Variants in ZC3H12B observed in about 807,000 individuals in gnomAD.
ZC3H12B encodes the protein zinc finger CCCH-type containing 12B.
ZC3H12B carries 7 observed loss-of-function variants against 43.9 expected under a neutral mutation model. The observed-to-expected ratio is 0.16, with a 90% CI of 0.09 to 0.30. ZC3H12B has a LOEUF of 0.30. Among genes scored for constraint, ZC3H12B ranks in the 10% least tolerant of loss-of-function variants. ZC3H12B has a pLI of 1.00. For missense variants in ZC3H12B, 475 were observed against 670.2 expected (o/e 0.71, Z 3.22); for synonymous variants, 222 against 241.7 (o/e 0.92, Z 0.76).
intron 3 of ZC3H12B, chrX:65,470,517 A>T (rs1339853009): frequency 9.1e-6 from 1 of 110,149 alleles, no homozygotes; most frequent in Non-Finnish European, 1.9e-5. Context: ...TGTTCCCAGC[A>T]CCCGCCCCCT....
At chrX:65,326,115 C>A in the ZC3H12B span, among the ~76,000 whole-genome samples, 10 of 111,181 alleles carry the variant, frequency 9.0e-5, no homozygotes, top group African/African-American at 2.9e-4. Flanking sequence ...AGCATAGGGG[C>A]CTGAGCAATG....
chrX:65,402,016 A>C, intron 3 of ZC3H12B, among the ~76,000 whole-genome samples: 1 of 111,933 alleles, frequency 8.9e-6, no homozygotes, highest in East Asian at 2.8e-4. Context: ...CACTCTTGGA[A>C]TCCTCAGTTT....
chrX:65,097,850 C>T, the ZC3H12B span, among the ~76,000 whole-genome samples: 1 of 111,563 alleles, frequency 9.0e-6, no homozygotes, highest in Non-Finnish European at 1.9e-5. Flanking sequence ...ATCTTTGTAA[C>T]CCTTATGTCA....
the ZC3H12B span, among the ~76,000 whole-genome samples, chrX:65,315,624 C>T: frequency 3.6e-5 from 4 of 110,951 alleles, no homozygotes; most frequent in Non-Finnish European, 7.6e-5. Flanking sequence ...CAATCAAACC[C>T]CAAAGACATC....
the ZC3H12B span, among the ~76,000 whole-genome samples, chrX:65,173,974 G>C: frequency 5.4e-5 from 6 of 111,639 alleles, no homozygotes; most frequent in Non-Finnish European, 1.1e-4. Context: ...CTGTTTGTTA[G>C]TTTTTCTTCT....
At chrX:65,415,852 G>A (rs2066954293) in intron 3 of ZC3H12B, among the ~76,000 whole-genome samples, 1 of 111,905 alleles carries the variant, frequency 8.9e-6, no homozygotes, top group Admixed American at 9.5e-5. Flanking sequence ...ACTTGCTTTT[G>A]AATTTTCAGT....
At chrX:65,457,012 G>A (rs757758739) in intron 3 of ZC3H12B, among the ~76,000 whole-genome samples, 73 of 100,850 alleles carry the variant, frequency 7.2e-4, no homozygotes, top group African/African-American at 1.8e-3. Flanking sequence ...CCTCTTCCCC[G>A]CTGCCATCCC....
At chrX:65,155,396 G>A in the ZC3H12B span, among the ~76,000 whole-genome samples, 4 of 111,525 alleles carry the variant, frequency 3.6e-5, no homozygotes, top group African/African-American at 1.3e-4. Context: ...ATTTTTCAAA[G>A]TAACACTATT....
At chrX:65,372,672 T>A (rs1259165556) in intron 2 of ZC3H12B, among the ~76,000 whole-genome samples, 1 of 111,416 alleles carries the variant, frequency 9.0e-6, no homozygotes, top group Non-Finnish European at 1.9e-5. Context: ...GAAGGAAAAC[T>A]TTCAATTTTC....
the ZC3H12B span, among the ~76,000 whole-genome samples, chrX:65,116,561 A>T: frequency 9.2e-6 from 1 of 108,383 alleles, no homozygotes; most frequent in African/African-American, 3.4e-5. Context: ...CAATTTTAGG[A>T]TTTTTTTTCT....
intron 3 of ZC3H12B, among the ~76,000 whole-genome samples, chrX:65,407,130 C>A (rs1426837153): frequency 8.9e-6 from 1 of 112,372 alleles, no homozygotes; most frequent in African/African-American, 3.2e-5. Context: ...GAAAGAAGAC[C>A]GAGGAAGAAA....
intron 2 of ZC3H12B, among the ~76,000 whole-genome samples, chrX:65,387,519 T>G (rs2066545242): frequency 8.9e-6 from 1 of 112,143 alleles, no homozygotes; most frequent in African/African-American, 3.2e-5. Context: ...CCCTTTATTT[T>G]GAGCCTATGT....
At chrX:65,346,265 A>G in the ZC3H12B span, among the ~76,000 whole-genome samples, 1 of 110,407 alleles carries the variant, frequency 9.1e-6, no homozygotes, top group Non-Finnish European at 1.9e-5. Context: ...CTAGTAAAAA[A>G]AAAAAAAAAA....
At chrX:65,450,685 ATATGTATACATATGTGTATATATG>A (rs2067476762) in intron 3 of ZC3H12B, among the ~76,000 whole-genome samples, 1 of 10,915 alleles carries the variant, frequency 9.2e-5, no homozygotes, top group Non-Finnish European at 1.2e-4. Flanking sequence ...GTATATATGT[ATATGTATACATATGTGTATATATG>A]TATATGTATA....
At chrX:65,315,475 C>T in the ZC3H12B span, among the ~76,000 whole-genome samples, 4 of 111,276 alleles carry the variant, frequency 3.6e-5, no homozygotes, top group African/African-American at 1.3e-4. Flanking sequence ...ACCTAACCTC[C>T]AGGTGCCAGA....
At chrX:65,189,617 G>A in the ZC3H12B span, among the ~76,000 whole-genome samples, 3 of 102,336 alleles carry the variant, frequency 2.9e-5, no homozygotes, top group South Asian at 1.3e-3. Flanking sequence ...GTCTGTTCAT[G>A]TCCTTCGCCC....
chrX:65,461,900 A>G (rs1253437419), intron 3 of ZC3H12B, among the ~76,000 whole-genome samples: 1 of 110,948 alleles, frequency 9.0e-6, no homozygotes. Context: ...CAGGATTTTA[A>G]AAAAAGAATA....
At chrX:65,378,755 G>A (rs747170505) in intron 2 of ZC3H12B, among the ~76,000 whole-genome samples, 11 of 112,648 alleles carry the variant, frequency 9.8e-5, no homozygotes, top group East Asian at 8.5e-4. Flanking sequence ...TGCATGCACC[G>A]TGTGCCTGCC....
the ZC3H12B span, among the ~76,000 whole-genome samples, chrX:65,242,200 G>A: frequency 9.0e-6 from 1 of 110,578 alleles, no homozygotes; most frequent in Non-Finnish European, 1.9e-5. Context: ...TAGTCACCAG[G>A]TCCAAATGCG....
Sources: allele counts gnomAD v4.1 joint callset (sites outside exome capture counted in the v4.1 genomes callset), GRCh38; gene constraint gnomAD v4.1.1; transcripts MANE v1.5; gene names NCBI Gene and HGNC (gene_info 2026-07-23, HGNC 2026-07-21).